The following ZNF331 variants were observed in gnomAD, a reference collection of about 807,000 sequenced individuals.
ZNF331 encodes the protein C2H2-like zinc finger protein rearranged in thyroid adenomas.
Under a neutral mutation model 7.0 loss-of-function variants are expected in ZNF331, and 2 were observed. The ratio of observed to expected loss-of-function variants is 0.29; its 90% CI spans 0.12 to 0.90. The LOEUF (loss-of-function observed/expected upper bound fraction) is 0.90, where lower values mean the gene tolerates loss of function less well. ZNF331 is among the 40% of genes least tolerant of loss of function. The pLI, the probability that ZNF331 is intolerant of heterozygous loss-of-function variation, is 0.58. For synonymous variants in ZNF331, 196 were observed against 205.4 expected, an observed-to-expected ratio of 0.95 and a Z score of 0.39; for missense variants, 432 against 587.7, an observed-to-expected ratio of 0.74 and a Z score of 2.74.
chr19:53,503,255 A>T, the ZNF331 span: 6 of 303,662 alleles, frequency 2.0e-5, no homozygotes, highest in Non-Finnish European at 3.2e-5. Flanking sequence ...TGCAGCCTCA[A>T]TCTCCTGGGC....
chr19:53,568,932 C>T (rs2090304072), intron 3 of ZNF331, among the ~76,000 whole-genome samples: 2 of 147,408 alleles, frequency 1.4e-5, no homozygotes, highest in South Asian at 4.4e-4. Context: ...TCTCAGCTCA[C>T]TGCAACCTCC....
Position 53,560,112 on chromosome 19 carries a change from A to G in ZNF331, c.-74+4204A>G, listed in dbSNP as rs961272118. ...ATACACACATATACCCACACCATAC[A>G]CACACATATATACACACACCATATA... On this transcript the variant is annotated intron_variant, in intron 3 of 5. Coordinates refer to ENST00000449416, the MANE Select transcript of ZNF331 (RefSeq NM_001079906.2). The surrounding 1 kb of genome is among the most constrained non-coding windows in gnomAD (Gnocchi z 4.3). Among the ~76,000 whole-genome samples, 1 of 151,190 alleles carries G rather than the reference A, an allele frequency of 6.6e-6. No homozygotes were observed. Among genetic ancestry groups the G allele is most frequent in the African/African-American group, 2.4e-5 (1 of 40,828 alleles).
At chr19:53,537,051 C>A (rs1471367875), upstream of ZNF331, among the ~76,000 whole-genome samples, 2 of 152,156 alleles carry the variant, frequency 1.3e-5, no homozygotes, top group Non-Finnish European at 2.9e-5. Flanking sequence ...CAAGATCTCT[C>A]AATTTTATTT....
chr19:53,547,406 C>T (rs1413019972), intron 2 of ZNF331, among the ~76,000 whole-genome samples: 1 of 152,198 alleles, frequency 6.6e-6, no homozygotes, highest in Non-Finnish European at 1.5e-5. Context: ...TGTGTTATCT[C>T]TACCACACTT....
At chr19:53,534,416 T>C (rs148948981), upstream of ZNF331, among the ~76,000 whole-genome samples, 11,022 of 152,152 alleles carry the variant, frequency 0.072, 526 homozygotes, top group Non-Finnish European at 0.11. Context: ...GCATCCTGAG[T>C]AGCTGGGATT....
chr19:53,543,429 GT>G (rs1249312063), intron 2 of ZNF331, among the ~76,000 whole-genome samples: 3 of 151,922 alleles, frequency 2.0e-5, no homozygotes, highest in Admixed American at 1.3e-4. Context: ...TGCCCAGCTA[GT>G]TTTTTGTATC....
At chr19:53,512,215 C>G in the ZNF331 span, 1 of 152,898 alleles carries the variant, frequency 6.5e-6, no homozygotes, top group Admixed American at 6.5e-5. Context: ...GCCCCAGGGA[C>G]GCGCCAGTGG....
intron 3 of ZNF331, among the ~76,000 whole-genome samples, 160 bp downstream of exon 3, chr19:53,556,068 C>T (rs1421665222): frequency 1.3e-5 from 2 of 151,598 alleles, no homozygotes; most frequent in Non-Finnish European, 2.9e-5. Context: ...CACGGTGAAA[C>T]CCCGTCTCTA....
At chr19:53,559,759 C>T (rs2089728624) in intron 3 of ZNF331, among the ~76,000 whole-genome samples, 2 of 127,936 alleles carry the variant, frequency 1.6e-5, no homozygotes, top group Non-Finnish European at 3.2e-5. Flanking sequence ...CGCACATGCA[C>T]ACACATACCC....
upstream of ZNF331, among the ~76,000 whole-genome samples, chr19:53,533,794 C>T (rs11671824): frequency 0.32 from 48,604 of 151,956 alleles, 7,934 homozygotes; most frequent in Middle Eastern, 0.42. Context: ...GTCTGATATA[C>T]GTACAGTTGA....
At position 53,558,950 on chromosome 19, in the gene ZNF331, C is replaced by CAA; in HGVS notation, c.-74+3043_-74+3044insAA. ...CACATACACACCATACACACATATACACATACCATATACACACCATACACA... is the reference window on the plus strand; with the variant it reads ...CACATACACACCATACACACATATACAAACATACCATATACACACCATACACA... On this transcript the variant is annotated intron_variant, in intron 3 of 5. Coordinates refer to ENST00000449416, the MANE Select transcript of ZNF331 (RefSeq NM_001079906.2). This position sits in a 1 kb window ranked among gnomAD's most constrained non-coding sequence, Gnocchi z 4.5. Among the ~76,000 whole-genome samples, 1 of 146,000 alleles carries CAA rather than the reference C, an allele frequency of 6.8e-6. No homozygotes were observed. The highest frequency in any genetic ancestry group is 2.6e-5 in the African/African-American group (1 of 39,156).
upstream of ZNF331, among the ~76,000 whole-genome samples, chr19:53,519,350 C>A (rs2086983929): frequency 6.6e-6 from 1 of 152,212 alleles, no homozygotes; most frequent in South Asian, 2.1e-4. Context: ...TGCTCTTTTG[C>A]AGACCTTGGT....
chr19:53,570,799 T>C (rs993888780), intron 4 of ZNF331, among the ~76,000 whole-genome samples: 2 of 151,928 alleles, frequency 1.3e-5, no homozygotes, highest in Admixed American at 6.6e-5. Flanking sequence ...CCCAAAGTGC[T>C]GGGATTACAG....
intron 2 of ZNF331, among the ~76,000 whole-genome samples, chr19:53,529,173 G>A (rs1188049556): frequency 6.6e-6 from 1 of 152,044 alleles, no homozygotes; most frequent in South Asian, 2.1e-4. Context: ...GAGCTGAGGC[G>A]GGTGGATCAC....
chr19:53,504,206 A>T, the ZNF331 span: 4 of 328,834 alleles, frequency 1.2e-5, no homozygotes, highest in Admixed American at 1.3e-4. Context: ...TGATCAGTGC[A>T]GGTTTCCCAG....
intron 2 of ZNF331, among the ~76,000 whole-genome samples, chr19:53,528,064 A>G (rs2087375504): frequency 6.6e-6 from 1 of 152,232 alleles, no homozygotes; most frequent in Non-Finnish European, 1.5e-5. Flanking sequence ...CGAATCTCCC[A>G]TATCACATAG....
chr19:53,542,757 C>G (rs999133974), intron 2 of ZNF331, among the ~76,000 whole-genome samples: 1 of 152,134 alleles, frequency 6.6e-6, no homozygotes, highest in Non-Finnish European at 1.5e-5. Flanking sequence ...ACATCAGACT[C>G]TGAATGTTAT....
chr19:53,524,460 C>T (rs1193164836), intron 2 of ZNF331, among the ~76,000 whole-genome samples: 3 of 150,738 alleles, frequency 2.0e-5, no homozygotes, highest in African/African-American at 7.3e-5. Flanking sequence ...GCCATTCTAA[C>T]TGGTGTGAGA....
At chr19:53,567,853 C>A (rs982732447) in intron 3 of ZNF331, among the ~76,000 whole-genome samples, 10 of 138,274 alleles carry the variant, frequency 7.2e-5, no homozygotes, top group Non-Finnish European at 1.3e-4. Flanking sequence ...AAAAAAAAAA[C>A]AAAAAACTAT....
Sources: allele counts gnomAD v4.1 joint callset (sites outside exome capture counted in the v4.1 genomes callset), GRCh38; gene constraint gnomAD v4.1.1; non-coding constraint Gnocchi (gnomAD v3.1); transcripts MANE v1.5; gene names NCBI Gene and HGNC (gene_info 2026-07-23, HGNC 2026-07-21).